Variants in PRELID2 observed in about 807,000 individuals in gnomAD.
The protein encoded by PRELID2 is PRELI domain containing 2.
In PRELID2, 25 loss-of-function variants were observed where a neutral mutation model predicts 28.4. The observed-to-expected ratio is 0.88, with a 90% CI of 0.64 to 1.23. PRELID2 has a LOEUF of 1.23. Ranked by LOEUF, PRELID2 falls within the 50% of genes most tolerant of loss-of-function variation. PRELID2 has a pLI of 0.00. For missense variants in PRELID2, 201 were observed against 214.4 expected (o/e 0.94, Z 0.39); for synonymous variants, 76 against 71.6 (o/e 1.06, Z -0.31).
the PRELID2 span, among the ~76,000 whole-genome samples, chr5:145,265,088 G>A: frequency 6.6e-6 from 1 of 151,376 alleles, no homozygotes; most frequent in East Asian, 1.9e-4. Flanking sequence ...CCTAGAACTG[G>A]TAAATTAACT....
chr5:145,595,161 G>GACACACACACACACAC, intron 1 of PRELID2, among the ~76,000 whole-genome samples: 1 of 131,252 alleles, frequency 7.6e-6, no homozygotes, highest in South Asian at 2.6e-4. Context: ...AGTCATAATA[G>GACACACACACACACAC]ACACACACAC....
chr5:145,501,844 C>T (rs562382624), intron 1 of PRELID2, among the ~76,000 whole-genome samples: 171 of 152,242 alleles, frequency 1.1e-3, no homozygotes, highest in African/African-American at 4.0e-3. Flanking sequence ...ATTCTATGTC[C>T]ATAACCCTCT....
intron 1 of PRELID2, among the ~76,000 whole-genome samples, chr5:145,617,560 T>G (rs923874302): frequency 2.0e-5 from 3 of 152,136 alleles, no homozygotes; most frequent in Non-Finnish European, 4.4e-5. Context: ...ATTTTCTTAT[T>G]CCTTTTTCTT....
chr5:145,796,365 A>G, intron 5 of PRELID2, 77 bp downstream of exon 5: 1 of 817,232 alleles, frequency 1.2e-6, no homozygotes, highest in South Asian at 1.7e-5. Context: ...TCTGCTCATG[A>G]GTCTTATTCA....
chr5:145,413,864 T>C, the PRELID2 span, among the ~76,000 whole-genome samples: 2 of 152,322 alleles, frequency 1.3e-5, no homozygotes, highest in South Asian at 2.1e-4. Flanking sequence ...TGTTGCTGCA[T>C]ATAACAGGAT....
chr5:145,694,837 G>A (rs1755225062), intron 1 of PRELID2, among the ~76,000 whole-genome samples: 1 of 151,404 alleles, frequency 6.6e-6, no homozygotes, highest in African/African-American at 2.4e-5. Flanking sequence ...GAATTGGGCA[G>A]AGGGACAAAG....
chr5:145,301,995 T>C, the PRELID2 span, among the ~76,000 whole-genome samples: 33,254 of 148,314 alleles, frequency 0.22, 4,665 homozygotes, highest in Non-Finnish European at 0.31. Flanking sequence ...AGACTCAGAT[T>C]GTTAGTTACT....
At chr5:145,817,198 A>AAAAAAAAAAAAT (rs1365517052) in intron 4 of PRELID2, among the ~76,000 whole-genome samples, 4 of 70,072 alleles carry the variant, frequency 5.7e-5, no homozygotes, top group Non-Finnish European at 9.8e-5. Context: ...TTCAAAAAAA[A>AAAAAAAAAAAAT]ATAAATAAAT....
At chr5:145,655,672 G>T (rs1287976747) in intron 1 of PRELID2, among the ~76,000 whole-genome samples, 9 of 152,166 alleles carry the variant, frequency 5.9e-5, no homozygotes, top group Non-Finnish European at 5.9e-5. Flanking sequence ...TTTAATAAAT[G>T]GTGCTGGGAA....
intron 4 of PRELID2, among the ~76,000 whole-genome samples, chr5:145,809,547 G>A (rs1030897113): frequency 5.1e-4 from 78 of 151,946 alleles, no homozygotes; most frequent in African/African-American, 1.7e-3. Flanking sequence ...CCGGCCTCCC[G>A]TAGTGCTGGG....
At chr5:145,661,666 T>TAAAA (rs567073073) in intron 1 of PRELID2, among the ~76,000 whole-genome samples, 7 of 97,168 alleles carry the variant, frequency 7.2e-5, no homozygotes, top group Non-Finnish European at 7.1e-5. Flanking sequence ...AACAAGCCAT[T>TAAAA]AAAAAAAAAA....
intron 1 of PRELID2, among the ~76,000 whole-genome samples, chr5:145,514,647 C>A (rs1292848299): frequency 1.3e-5 from 2 of 152,130 alleles, no homozygotes; most frequent in Admixed American, 1.3e-4. Context: ...ACCAAGTGGA[C>A]CTAATAGACA....
chr5:145,287,401 C>T, the PRELID2 span, among the ~76,000 whole-genome samples: 1 of 152,130 alleles, frequency 6.6e-6, no homozygotes, highest in Non-Finnish European at 1.5e-5. Context: ...GTCTTGTGAT[C>T]TGTTGATCTG....
the PRELID2 span, among the ~76,000 whole-genome samples, chr5:145,380,884 A>C: frequency 1.3e-5 from 2 of 152,208 alleles, no homozygotes; most frequent in Non-Finnish European, 2.9e-5. Flanking sequence ...AAATAAATCC[A>C]ATCGGTGACC....
intron 2 of PRELID2, among the ~76,000 whole-genome samples, chr5:145,822,342 G>GTAAACATTTT (rs1207831950): frequency 6.6e-5 from 10 of 152,262 alleles, no homozygotes; most frequent in Non-Finnish European, 1.0e-4. Flanking sequence ...CAAAGAATCA[G>GTAAACATTTT]GTGCTAAATA....
chr5:145,711,278 C>G (rs1219419043), intron 1 of PRELID2, among the ~76,000 whole-genome samples: 1 of 152,120 alleles, frequency 6.6e-6, no homozygotes, highest in African/African-American at 2.4e-5. Context: ...CAGTGACCTA[C>G]AAAATCGCAG....
chr5:145,428,377 C>A, the PRELID2 span, among the ~76,000 whole-genome samples: 1 of 152,076 alleles, frequency 6.6e-6, no homozygotes, highest in Non-Finnish European at 1.5e-5. Context: ...TTTATTCATT[C>A]ATTTATAAAA....
At chr5:145,489,158 G>T (rs781727379) in intron 1 of PRELID2, among the ~76,000 whole-genome samples, 12 of 152,130 alleles carry the variant, frequency 7.9e-5, no homozygotes, top group Non-Finnish European at 1.6e-4. Context: ...TGGCTCGCCA[G>T]CCATCCATTG....
intron 1 of PRELID2, among the ~76,000 whole-genome samples, chr5:145,584,283 T>C (rs191605751): frequency 9.2e-5 from 14 of 152,108 alleles, no homozygotes; most frequent in Admixed American, 4.6e-4. Flanking sequence ...TATACAAAAA[T>C]TAACTCAAGA....
Sources: allele counts gnomAD v4.1 joint callset (sites outside exome capture counted in the v4.1 genomes callset), GRCh38; gene constraint gnomAD v4.1.1; transcripts MANE v1.5; gene names NCBI Gene and HGNC (gene_info 2026-07-23, HGNC 2026-07-21).